Variants in ZMYND11 observed in about 807,000 individuals in gnomAD.
The protein encoded by ZMYND11 is zinc finger MYND-type containing 11.
In ZMYND11, 9 loss-of-function variants were observed where a neutral mutation model predicts 84.9. The ratio of observed to expected loss-of-function variants is 0.11; its 90% CI spans 0.06 to 0.18. The LOEUF is 0.18. Ranked by LOEUF, ZMYND11 falls within the 10% of genes least tolerant of loss-of-function variation. ZMYND11 has a pLI of 1.00. For synonymous variants in ZMYND11, 250 were observed against 244.1 expected (o/e 1.02, Z -0.23); for missense variants, 409 against 761.0 (o/e 0.54, Z 5.44).
At chr10:164,229 C>G (rs922792250) in intron 1 of ZMYND11, among the ~76,000 whole-genome samples, 3 of 152,152 alleles carry the variant, frequency 2.0e-5, no homozygotes, top group Non-Finnish European at 4.4e-5. Context: ...ACTGTCCTTT[C>G]TGCTTCAAAC....
In ZMYND11 at chr10:143,329, A is replaced by AATTATGAATTATG. The variant is rs561978376; in HGVS notation, c.-20+7771_-20+7772insTTATGAATTATGA. Among the ~76,000 whole-genome samples the AATTATGAATTATG allele has an allele frequency of 7.9e-4, 121 of 152,316 alleles. 1 individual carries two copies. Among genetic ancestry groups the AATTATGAATTATG allele is most frequent in the Non-Finnish European group, 1.6e-3 (110 of 68,022 alleles). ...ATGGGGGAAGCTCTCGCAACTTTTGAAAGCTATTATGAATTTTTTAGTTTT... is the reference window on the plus strand; with the variant it reads ...ATGGGGGAAGCTCTCGCAACTTTTGAATTATGAATTATGAAGCTATTATGAATTTTTTAGTTTT... On this transcript the variant is annotated intron_variant, in intron 1 of 14. Coordinates refer to ENST00000381604, the MANE Select transcript of ZMYND11 (RefSeq NM_001370100.5).
chr10:220,761 C>G (rs1829914780), intron 3 of ZMYND11, among the ~76,000 whole-genome samples: 1 of 152,180 alleles, frequency 6.6e-6, no homozygotes, highest in South Asian at 2.1e-4. Context: ...ACTATTCTCT[C>G]TGTTCCCACA....
chr10:236,744 T>C, intron 4 of ZMYND11, 94 bp from the exon 5 acceptor site: 1 of 1,045,952 alleles, frequency 9.6e-7, no homozygotes, highest in South Asian at 1.6e-5. Context: ...ACTCTTTGCA[T>C]ACTATCTAAG....
chr10:207,316 T>C (rs1407815556), intron 2 of ZMYND11, among the ~76,000 whole-genome samples: 2 of 152,226 alleles, frequency 1.3e-5, no homozygotes, highest in Non-Finnish European at 2.9e-5. Flanking sequence ...CATGTGTCTT[T>C]ATAGCAGCAT....
At chr10:150,490 G>C (rs970891199) in intron 1 of ZMYND11, among the ~76,000 whole-genome samples, 1 of 152,160 alleles carries the variant, frequency 6.6e-6, no homozygotes, top group Admixed American at 6.5e-5. Context: ...GCGTCTATTT[G>C]ATTCTTCTCT....
chr10:163,259 G>A (rs1843301946), intron 1 of ZMYND11, among the ~76,000 whole-genome samples: 1 of 152,096 alleles, frequency 6.6e-6, no homozygotes, highest in African/African-American at 2.4e-5. Context: ...AACTCTCAGT[G>A]TTTTGATAGT....
intron 2 of ZMYND11, among the ~76,000 whole-genome samples, chr10:188,562 G>A (rs1179253927): frequency 1.6e-4 from 23 of 148,216 alleles, no homozygotes; most frequent in Non-Finnish European, 2.1e-4. Flanking sequence ...ACTGTGCTCC[G>A]GCCTGGGCAA....
At chr10:210,679 TCTTTC>T (rs146999471) in intron 3 of ZMYND11, among the ~76,000 whole-genome samples, 35 of 152,364 alleles carry the variant, frequency 2.3e-4, no homozygotes, top group African/African-American at 8.2e-4. Flanking sequence ...AATCTGCTTC[TCTTTC>T]CTTTCATTAT....
At chr10:183,771 C>T (rs1848367222) in intron 2 of ZMYND11, among the ~76,000 whole-genome samples, 1 of 152,164 alleles carries the variant, frequency 6.6e-6, no homozygotes. Context: ...CGACATACCC[C>T]TTATTGATGC....
At chr10:200,907 T>C (rs1206960845) in intron 2 of ZMYND11, among the ~76,000 whole-genome samples, 1 of 152,184 alleles carries the variant, frequency 6.6e-6, no homozygotes, top group Non-Finnish European at 1.5e-5. Context: ...ATTTACAAAA[T>C]GGAAATTAGT....
At chr10:250,007 C>G (rs1285523937) in intron 14 of ZMYND11, among the ~76,000 whole-genome samples, 2 of 152,124 alleles carry the variant, frequency 1.3e-5, no homozygotes, top group African/African-American at 4.8e-5. Context: ...ACTTTATTTT[C>G]TGTTAAAAAA....
At chr10:228,036 G>T (rs1948422438) in intron 4 of ZMYND11, among the ~76,000 whole-genome samples, 1 of 152,152 alleles carries the variant, frequency 6.6e-6, no homozygotes, top group Non-Finnish European at 1.5e-5. Flanking sequence ...TAGAAAGATT[G>T]TGTCTGAGCC....
intron 1 of ZMYND11, among the ~76,000 whole-genome samples, chr10:147,186 T>C (rs1321466070): frequency 6.6e-6 from 1 of 152,226 alleles, no homozygotes; most frequent in East Asian, 1.9e-4. Flanking sequence ...TATGAGCATA[T>C]CATTGGCAAA....
intron 2 of ZMYND11, among the ~76,000 whole-genome samples, chr10:198,850 G>T (rs1407552248): frequency 6.6e-6 from 1 of 152,224 alleles, no homozygotes; most frequent in African/African-American, 2.4e-5. Flanking sequence ...CTAGGATGAT[G>T]ATGTCTGGTG....
chr10:229,131 A>G (rs1948588744), intron 4 of ZMYND11, among the ~76,000 whole-genome samples: 1 of 152,306 alleles, frequency 6.6e-6, no homozygotes, highest in South Asian at 2.1e-4. Context: ...AAAATTTGTT[A>G]TCTTCCTTTA....
Position 252,517 on chromosome 10 carries a change from C to T in ZMYND11, c.*47C>T, listed in dbSNP as rs971592744. The T allele has an allele frequency of 9.0e-6, 14 of 1,549,710 alleles. No individual in the cohort carries two copies. Among genetic ancestry groups the T allele is most frequent in the African/African-American group, 1.4e-5 (1 of 73,116 alleles). On this transcript the variant is annotated 3_prime_UTR_variant, in exon 15 of 15. Transcript: ENST00000381604. The surrounding 1 kb of genome is among the most constrained non-coding windows in gnomAD (Gnocchi z 4.6). Reference sequence around the variant, plus strand: ...CCCCGATGATTACTCTTTTCAGACACAGCGGTTTTTGTTTCCAAGAAGCCA... The same window carrying T: ...CCCCGATGATTACTCTTTTCAGACATAGCGGTTTTTGTTTCCAAGAAGCCA...
chr10:157,230 C>T lies in ZMYND11; in HGVS notation c.-20+21671C>T, dbSNP rs149032652. On this transcript the variant is annotated intron_variant, in intron 1 of 14. Coordinates refer to ENST00000381604, the MANE Select transcript of ZMYND11 (RefSeq NM_001370100.5). ...ATTTTTATTTTTGGAGACAGAGTCT[C>T]GCTCTGTCGCCCAGGCTGGAATGCA... Among the ~76,000 whole-genome samples, 240 of 152,222 alleles carry T rather than the reference C, an allele frequency of 1.6e-3. 3 individuals carry two copies. In the Middle Eastern group the frequency reaches 0.02, roughly 13 times the overall value.
intron 10 of ZMYND11, among the ~76,000 whole-genome samples, chr10:246,325 A>G (rs542753156): frequency 2.0e-5 from 3 of 152,316 alleles, no homozygotes; most frequent in East Asian, 1.9e-4. Context: ...GGCATTTTCA[A>G]GTGATTCTTT....
At chr10:248,769 C>T in intron 13 of ZMYND11, 134 bp from the exon 14 acceptor site, 1 of 1,397,288 alleles carries the variant, frequency 7.2e-7, no homozygotes, top group East Asian at 2.5e-5. Context: ...ATACTTTCCT[C>T]ACCTAAATTT....
Sources: allele counts gnomAD v4.1 joint callset (sites outside exome capture counted in the v4.1 genomes callset), GRCh38; gene constraint gnomAD v4.1.1; non-coding constraint Gnocchi (gnomAD v3.1); transcripts MANE v1.5; gene names NCBI Gene and HGNC (gene_info 2026-07-23, HGNC 2026-07-21).